The following SLC8A1 variants were observed in gnomAD, a reference collection of about 807,000 sequenced individuals.
The protein encoded by SLC8A1 is solute carrier family 8 member A1, also known as sodium/calcium exchanger 1.
In SLC8A1, 18 loss-of-function variants were observed where a neutral mutation model predicts 68.3. The ratio of observed to expected loss-of-function variants is 0.26; its 90% CI spans 0.18 to 0.39. SLC8A1 has a LOEUF of 0.39. SLC8A1 is among the 10% of genes least tolerant of loss of function. SLC8A1 has a pLI of 1.00. For synonymous variants in SLC8A1, 475 were observed against 415.5 expected (o/e 1.14, Z -1.74); for missense variants, 985 against 1,156.7 (o/e 0.85, Z 2.15).
At chr2:40,175,383 C>T (rs558854156) in intron 3 of SLC8A1, 102 bp from the exon 4 acceptor site, 2 of 1,185,716 alleles carry the variant, frequency 1.7e-6, no homozygotes, top group Admixed American at 1.9e-5. Context: ...GATCTGATTA[C>T]AGTGGTAGGG....
chr2:40,299,757 G>T (rs1453037956), intron 2 of SLC8A1, among the ~76,000 whole-genome samples: 2 of 152,186 alleles, frequency 1.3e-5, no homozygotes, highest in African/African-American at 2.4e-5. Context: ...TTCGGTGAAA[G>T]AGAGTTTCAG....
chr2:40,348,419 C>T (rs939427720), intron 2 of SLC8A1, among the ~76,000 whole-genome samples: 2 of 152,206 alleles, frequency 1.3e-5, no homozygotes, highest in African/African-American at 4.8e-5. Context: ...AACCTATCTA[C>T]CGTTTCAGAC....
intron 2 of SLC8A1, among the ~76,000 whole-genome samples, chr2:40,414,223 G>A (rs907179081): frequency 1.3e-5 from 2 of 152,122 alleles, no homozygotes; most frequent in South Asian, 2.1e-4. Flanking sequence ...GATTTTGTTG[G>A]AAAACAGTAT....
intron 2 of SLC8A1, among the ~76,000 whole-genome samples, chr2:40,196,103 G>T (rs749294175): frequency 2.0e-5 from 3 of 151,686 alleles, no homozygotes; most frequent in Admixed American, 6.6e-5. Context: ...TTATGGGGGT[G>T]GGGGGAAGGG....
intron 2 of SLC8A1, among the ~76,000 whole-genome samples, chr2:40,212,653 G>A (rs1356156647): frequency 2.0e-5 from 3 of 152,308 alleles, no homozygotes; most frequent in Non-Finnish European, 2.9e-5. Flanking sequence ...GCTGCCTTCT[G>A]AAGGCATTAG....
chr2:40,283,907 T>C (rs2067873625), intron 2 of SLC8A1, among the ~76,000 whole-genome samples: 1 of 152,130 alleles, frequency 6.6e-6, no homozygotes, highest in Non-Finnish European at 1.5e-5. Context: ...GCATATCTAC[T>C]ACCCCCCACC....
At position 40,342,213 on chromosome 2, in the gene SLC8A1, A is replaced by C. The variant is rs773154632; in HGVS notation, c.1808+86260T>G. ...GTTTATGGCCCTATAGATATTAACT[A>C]CTCGTATCTAACACTGCAATCTTAT... On this transcript the variant is annotated intron_variant, in intron 2 of 7. Coordinates refer to ENST00000406785, the Ensembl canonical transcript of SLC8A1. 2.0e-5 allele frequency among the ~76,000 whole-genome samples: 3 copies of C among 152,110 alleles called. No homozygotes were observed. The East Asian group carries it at 5.8e-4, about 29-fold the overall frequency.
intron 1 of SLC8A1, among the ~76,000 whole-genome samples, chr2:40,438,737 C>A (rs1276680173): frequency 1.3e-5 from 2 of 152,114 alleles, no homozygotes; most frequent in African/African-American, 4.8e-5. Context: ...AATCACCTGG[C>A]AAACTAATTA....
chr2:40,213,253 C>T (rs1313950144), intron 2 of SLC8A1: 1 of 152,074 alleles, frequency 6.6e-6, no homozygotes, highest in Non-Finnish European at 1.5e-5. Flanking sequence ...ATGAAACCTA[C>T]CATTGAAGAT....
intron 2 of SLC8A1, among the ~76,000 whole-genome samples, chr2:40,283,357 A>T (rs1209490205): frequency 6.6e-6 from 1 of 152,218 alleles, no homozygotes; most frequent in African/African-American, 2.4e-5. Context: ...CAAATGGTAA[A>T]ACATCTGGAT....
At chr2:40,232,681 T>C (rs1418783437) in intron 2 of SLC8A1, among the ~76,000 whole-genome samples, 12 of 140,434 alleles carry the variant, frequency 8.5e-5, no homozygotes, top group Non-Finnish European at 1.7e-4. Flanking sequence ...ACATGTGCCA[T>C]GCTGGTGTGC....
intron 2 of SLC8A1, among the ~76,000 whole-genome samples, chr2:40,416,533 T>A (rs749429723): frequency 5.3e-5 from 8 of 152,118 alleles, no homozygotes; most frequent in Admixed American, 1.3e-4. Context: ...TTTAAAAAAA[T>A]TTTTGCTTTC....
At chr2:40,503,610 G>A (rs1181881812) in intron 1 of SLC8A1, among the ~76,000 whole-genome samples, 2 of 151,950 alleles carry the variant, frequency 1.3e-5, no homozygotes, top group Non-Finnish European at 2.9e-5. Flanking sequence ...TAGTAAAGTT[G>A]CAAGACACAA....
At chr2:40,191,065 G>A (rs1455829960) in intron 2 of SLC8A1, among the ~76,000 whole-genome samples, 1 of 152,198 alleles carries the variant, frequency 6.6e-6, no homozygotes, top group Non-Finnish European at 1.5e-5. Flanking sequence ...TGTAGGCATA[G>A]TTGAGTAGTG....
chr2:40,323,542 T>G (rs1342422808), intron 2 of SLC8A1, among the ~76,000 whole-genome samples: 1 of 152,158 alleles, frequency 6.6e-6, no homozygotes, highest in African/African-American at 2.4e-5. Context: ...AAATTTCTAT[T>G]AACACTCATT....
At chr2:40,382,408 G>A (rs72941921) in intron 2 of SLC8A1, among the ~76,000 whole-genome samples, 3,600 of 152,024 alleles carry the variant, frequency 0.024, 160 homozygotes, top group African/African-American at 0.083. Flanking sequence ...TTTTTATTCC[G>A]TAACCTGTTT....
At chr2:40,415,814 G>T (rs1324326731) in intron 2 of SLC8A1, among the ~76,000 whole-genome samples, 2 of 150,108 alleles carry the variant, frequency 1.3e-5, no homozygotes, top group African/African-American at 2.5e-5. Flanking sequence ...CGGAGTTCAA[G>T]ACCAGGGTGG....
chr2:40,458,775 G>T (rs1047878989), intron 1 of SLC8A1, among the ~76,000 whole-genome samples: 1 of 152,132 alleles, frequency 6.6e-6, no homozygotes, highest in African/African-American at 2.4e-5. Flanking sequence ...ACCAATTTGT[G>T]ACTAAGTCAG....
chr2:40,145,979 T>C (rs1186598478), intron 6 of SLC8A1, among the ~76,000 whole-genome samples: 3 of 151,950 alleles, frequency 2.0e-5, no homozygotes, highest in Non-Finnish European at 4.4e-5. Context: ...CTTTTTTTTG[T>C]ATTTTGGAGA....
Sources: allele counts gnomAD v4.1 joint callset (sites outside exome capture counted in the v4.1 genomes callset), GRCh38; gene constraint gnomAD v4.1.1; transcripts MANE v1.5; gene names NCBI Gene and HGNC (gene_info 2026-07-23, HGNC 2026-07-21).